LCORL: variants seen among roughly 807,000 people sequenced by gnomAD.
LCORL encodes the protein ligand dependent nuclear receptor corepressor like, also known as ligand-dependent nuclear receptor corepressor-like protein.
A neutral mutation model predicts 141.8 loss-of-function variants in LCORL; 41 were observed. The ratio of observed to expected loss-of-function variants is 0.29; its 90% CI spans 0.23 to 0.38. LCORL has a LOEUF of 0.38. Among genes scored for constraint, LCORL ranks in the 10% least tolerant of loss-of-function variants. The pLI, the probability that LCORL is intolerant of heterozygous loss-of-function variation, is 1.00. For synonymous variants in LCORL, 618 were observed against 694.1 expected (o/e 0.89, Z 1.72); for missense variants, 1,759 against 2,035.0 (o/e 0.86, Z 2.61).
intron 5 of LCORL, among the ~76,000 whole-genome samples, chr4:17,894,714 G>T (rs1008396395): frequency 1.3e-5 from 2 of 152,120 alleles, no homozygotes; most frequent in Non-Finnish European, 2.9e-5. Context: ...ACTTGTGAGA[G>T]AATGAGAGTA....
At chr4:17,990,087 ACT>A (rs1391360672) in intron 1 of LCORL, among the ~76,000 whole-genome samples, 1 of 140,494 alleles carries the variant, frequency 7.1e-6, no homozygotes. Context: ...AAAAAAGAAA[ACT>A]CTCTGCGTTT....
At chr4:17,964,525 G>T (rs979042414) in intron 2 of LCORL, among the ~76,000 whole-genome samples, 39 of 151,500 alleles carry the variant, frequency 2.6e-4, no homozygotes, top group African/African-American at 9.0e-4. Flanking sequence ...TTTTAATTAA[G>T]AAAACTGGTC....
At chr4:18,001,051 A>G (rs1199815568) in intron 1 of LCORL, among the ~76,000 whole-genome samples, 1 of 152,188 alleles carries the variant, frequency 6.6e-6, no homozygotes, top group African/African-American at 2.4e-5. Flanking sequence ...CACACCTATA[A>G]TCCCAGCACT....
chr4:17,879,688 T>A (rs559934779), intron 6 of LCORL, among the ~76,000 whole-genome samples: 24 of 151,080 alleles, frequency 1.6e-4, no homozygotes, highest in African/African-American at 5.6e-4. Context: ...TACCAAAGAT[T>A]ACAATATATT....
At chr4:17,858,240 T>C (rs1369662653) in intron 7 of LCORL, among the ~76,000 whole-genome samples, 1 of 151,420 alleles carries the variant, frequency 6.6e-6, no homozygotes, top group Non-Finnish European at 1.5e-5. Flanking sequence ...ATGGTATTAA[T>C]AGCAGATTAA....
At chr4:17,882,719 A>T in intron 6 of LCORL, 1 of 984,328 alleles carries the variant, frequency 1.0e-6, no homozygotes, top group South Asian at 4.7e-5. Flanking sequence ...AGCAGCAAAT[A>T]TATTAAAGTT....
At chr4:17,885,954 C>A in intron 6 of LCORL, 114 bp downstream of exon 6, 1 of 464,406 alleles carries the variant, frequency 2.2e-6, no homozygotes, top group South Asian at 6.5e-5. Context: ...TTATGAGTGA[C>A]AAAAATTCTG....
At chr4:17,986,224 G>C (rs2109751173) in intron 1 of LCORL, among the ~76,000 whole-genome samples, 1 of 152,236 alleles carries the variant, frequency 6.6e-6, no homozygotes, top group Non-Finnish European at 1.5e-5. Flanking sequence ...AAAATGTAAT[G>C]ATTACATGTC....
intron 7 of LCORL, among the ~76,000 whole-genome samples, chr4:17,847,606 A>C (rs1395805035): frequency 1.3e-5 from 2 of 152,236 alleles, no homozygotes; most frequent in Admixed American, 6.5e-5. Flanking sequence ...ATTAAAAAAT[A>C]ATATAATTAA....
chr4:18,008,301 A>C (rs1036387068), intron 1 of LCORL, among the ~76,000 whole-genome samples: 12 of 152,334 alleles, frequency 7.9e-5, no homozygotes, highest in African/African-American at 2.9e-4. Context: ...GGGAATCCTT[A>C]TCTCTGACAC....
At chr4:17,857,906 T>C (rs1724546552) in intron 7 of LCORL, among the ~76,000 whole-genome samples, 1 of 152,210 alleles carries the variant, frequency 6.6e-6, no homozygotes, top group Non-Finnish European at 1.5e-5. Flanking sequence ...CAAGAACATT[T>C]AACATTGCAA....
chr4:17,849,619 C>T (rs1300031786), intron 7 of LCORL, among the ~76,000 whole-genome samples: 2 of 152,176 alleles, frequency 1.3e-5, no homozygotes, highest in Non-Finnish European at 2.9e-5. Flanking sequence ...CAGAGCGCCT[C>T]TCCTCCTCCA....
At chr4:17,841,619 C>T (rs76589471) in exon 8 of LCORL, 1 of 151,966 alleles carries the variant, frequency 6.6e-6, no homozygotes, top group Admixed American at 6.5e-5. Context: ...TGGTATATCA[C>T]ACCATGAGAA....
intron 4 of LCORL, among the ~76,000 whole-genome samples, chr4:17,914,528 A>T (rs1733082727): frequency 6.6e-6 from 1 of 152,202 alleles, no homozygotes; most frequent in South Asian, 2.1e-4. Flanking sequence ...GTTTGAGACC[A>T]AAGGACCTGG....
intron 1 of LCORL, among the ~76,000 whole-genome samples, chr4:17,997,538 A>G (rs1340620214): frequency 6.6e-6 from 1 of 152,216 alleles, no homozygotes; most frequent in Non-Finnish European, 1.5e-5. Flanking sequence ...AAAGATGACT[A>G]ATACAAAAAT....
chr4:17,999,480 G>A (rs1473617539), intron 1 of LCORL, among the ~76,000 whole-genome samples: 4 of 151,742 alleles, frequency 2.6e-5, no homozygotes, highest in East Asian at 1.9e-4. Context: ...ACAGGATGTC[G>A]AAGACATCAC....
In LCORL at chr4:17,950,131, T is replaced by C. The variant is rs989034971; in HGVS notation, c.430+11772A>G. On this transcript the variant is annotated intron_variant, in intron 4 of 7. Coordinates refer to ENST00000635767, the Ensembl canonical transcript of LCORL. ...TATTAAGCTAAAACCTTTTTTAGTA[T>C]ACCACTTGAAAAACTCAAGAGCCCT... Among the ~76,000 whole-genome samples, 5 of 152,268 alleles carry C rather than the reference T, an allele frequency of 3.3e-5. No individual in the cohort carries two copies. In the East Asian group the frequency reaches 7.7e-4, roughly 23 times the overall value.
At chr4:17,903,135 A>G (rs1731122904) in intron 5 of LCORL, among the ~76,000 whole-genome samples, 1 of 152,110 alleles carries the variant, frequency 6.6e-6, no homozygotes, top group African/African-American at 2.4e-5. Flanking sequence ...GATGGTGAAG[A>G]TTTTTAATTT....
chr4:18,007,937 T>C, intron 1 of LCORL, among the ~76,000 whole-genome samples: 1 of 152,102 alleles, frequency 6.6e-6, no homozygotes, highest in African/African-American at 2.4e-5. Flanking sequence ...AAGTAATTAT[T>C]GGGCTGATCC....
Sources: allele counts gnomAD v4.1 joint callset (sites outside exome capture counted in the v4.1 genomes callset), GRCh38; gene constraint gnomAD v4.1.1; transcripts MANE v1.5; gene names NCBI Gene and HGNC (gene_info 2026-07-23, HGNC 2026-07-21).